ZXDC: variants seen among roughly 807,000 people sequenced by gnomAD.
ZXDC encodes ZXD family zinc finger C, also known as zinc finger protein ZXDC.
A neutral mutation model predicts 63.6 loss-of-function variants in ZXDC; 58 were observed. The observed-to-expected ratio is 0.91, with a 90% CI of 0.74 to 1.13. The LOEUF is 1.13. Among genes scored for constraint, ZXDC ranks in the 50% most tolerant of loss-of-function variants. ZXDC has a pLI of 0.00. For missense variants in ZXDC, 1,133 were observed against 1,148.9 expected, an observed-to-expected ratio of 0.99 and a Z score of 0.20; for synonymous variants, 561 against 496.1, an observed-to-expected ratio of 1.13 and a Z score of -1.74.
At chr3:126,470,520 A>G (rs1208221611) in intron 4 of ZXDC, among the ~76,000 whole-genome samples, 1 of 152,220 alleles carries the variant, frequency 6.6e-6, no homozygotes, top group African/African-American at 2.4e-5. Context: ...CCAATTACAA[A>G]ATGATTGGAG....
In ZXDC at chr3:126,472,252, G is replaced by A. The variant is rs1935009945; in HGVS notation, c.961C>T (p.His321Tyr). ...GAAAAGAGCTCTTGTTCCCTGAAGT[G>A]GGCTCGGTTATGGGAAAACAGGGCA... ...VSALFSHNRA[H>Y]FREQELFSCS... The change falls in exon 2 of 10, where the codon CAC (histidine) becomes TAC (tyrosine). Residue 321 changes from histidine (H) to tyrosine (Y), a missense_variant. His to Tyr is a moderately conservative substitution (Grantham distance 83). Transcript: ENST00000389709. 6.2e-7 allele frequency: 1 copy of A among 1,612,802 alleles called. No individual in the cohort carries two copies. Among genetic ancestry groups the A allele is most frequent in the Non-Finnish European group, 8.5e-7 (1 of 1,178,958 alleles).
intron 5 of ZXDC, among the ~76,000 whole-genome samples, chr3:126,465,675 G>T (rs986786692): frequency 1.3e-5 from 2 of 152,020 alleles, no homozygotes; most frequent in African/African-American, 4.8e-5. Flanking sequence ...GAGGGGCAGG[G>T]CATGGTGGCT....
intron 7 of ZXDC, chr3:126,457,519 C>T (rs1211257964): frequency 2.2e-5 from 22 of 985,290 alleles, no homozygotes; most frequent in South Asian, 1.4e-4. Flanking sequence ...CACTCACACA[C>T]GGAGACCTAG....
chr3:126,472,651 C>T (rs1336332978), intron 1 of ZXDC, among the ~76,000 whole-genome samples: 1 of 152,196 alleles, frequency 6.6e-6, no homozygotes, highest in Non-Finnish European at 1.5e-5. Context: ...TGAGAGAAAT[C>T]AAATACTAAG....
chr3:126,472,367 G>A (rs1935014148), intron 1 of ZXDC, 62 bp from the exon 2 acceptor site: 1 of 1,575,676 alleles, frequency 6.3e-7, no homozygotes. Flanking sequence ...CATAGCTAAT[G>A]CTAGTCACAC....
Position 126,437,708 on chromosome 3 carries a change from T to A in ZXDC, c.*667A>T, listed in dbSNP as rs1933509328. The A allele has an allele frequency of 6.6e-6, 1 of 152,040 alleles. No individual in the cohort carries two copies. The highest frequency in any genetic ancestry group is 2.4e-5 in the African/African-American group (1 of 41,346). 9.4% of individuals were successfully genotyped at this position (152,040 alleles called of 1,614,324 possible). A position where few individuals can be genotyped will look rare whatever the true frequency, so the allele number is the denominator to read the frequency against. ...AAATACAGAATTTAGAAAATTATTT[T>A]AAATTTTAACTCTACCATCCCCCCG... On this transcript the variant is annotated 3_prime_UTR_variant, in exon 10 of 10. Coordinates refer to ENST00000389709, the MANE Select transcript of ZXDC (RefSeq NM_025112.5).
intron 7 of ZXDC, among the ~76,000 whole-genome samples, chr3:126,458,283 C>A (rs957120947): frequency 1.4e-5 from 2 of 144,426 alleles, no homozygotes; most frequent in Admixed American, 1.4e-4. Flanking sequence ...GTCACCCAGG[C>A]TGGAGCACAG....
chr3:126,456,396 G>C (rs559648208), intron 7 of ZXDC, among the ~76,000 whole-genome samples: 11 of 152,366 alleles, frequency 7.2e-5, no homozygotes, highest in African/African-American at 2.6e-4. Context: ...AGCCTCTGGA[G>C]GGCTGGAGAC....
At chr3:126,474,353 C>T (rs964557501) in intron 1 of ZXDC, among the ~76,000 whole-genome samples, 3 of 152,186 alleles carry the variant, frequency 2.0e-5, no homozygotes, top group African/African-American at 4.8e-5. Context: ...CGTGAGCCAC[C>T]GCGCCCAGCC....
intron 4 of ZXDC, among the ~76,000 whole-genome samples, chr3:126,467,463 C>T (rs1261904477): frequency 1.3e-5 from 2 of 152,186 alleles, no homozygotes; most frequent in South Asian, 2.1e-4. Flanking sequence ...CGAGCAACGA[C>T]GCACTCGCGG....
At chr3:126,474,470 T>C (rs1935103384) in intron 1 of ZXDC, among the ~76,000 whole-genome samples, 1 of 152,152 alleles carries the variant, frequency 6.6e-6, no homozygotes, top group South Asian at 2.1e-4. Context: ...TTCACAAAAC[T>C]GTGAGGTTCA....
At chr3:126,444,662 T>C (rs986528097) in intron 7 of ZXDC, among the ~76,000 whole-genome samples, 5 of 152,254 alleles carry the variant, frequency 3.3e-5, no homozygotes, top group Non-Finnish European at 7.3e-5. Context: ...GTATTTATTA[T>C]CAAGTTTTAT....
chr3:126,454,291 T>C (rs576168094), intron 7 of ZXDC: 122 of 984,644 alleles, frequency 1.2e-4, no homozygotes, highest in South Asian at 8.9e-4. Flanking sequence ...GAGATTTCTA[T>C]TGGCTTTTAC....
rs1229120545 is a variant in ZXDC, at chr3:126,437,874, G to T, written c.*501C>A. Reference sequence around the variant, plus strand: ...TTGGGCTAGAATTTGGCTTCACGGTGGCAATGGGACCACCTGGGCCCTACA... The same window carrying T: ...TTGGGCTAGAATTTGGCTTCACGGTTGCAATGGGACCACCTGGGCCCTACA... On this transcript the variant is annotated 3_prime_UTR_variant, in exon 10 of 10. Coordinates refer to ENST00000389709, the MANE Select transcript of ZXDC (RefSeq NM_025112.5). 1 of 157,406 alleles carries T rather than the reference G, an allele frequency of 6.4e-6. No homozygotes were observed. The highest frequency in any genetic ancestry group is 1.9e-4 in the South Asian group (1 of 5,372). 9.8% of individuals were successfully genotyped at this position (157,406 alleles called of 1,614,324 possible).
chr3:126,447,979 A>G (rs1176211390), intron 7 of ZXDC, among the ~76,000 whole-genome samples: 2 of 152,148 alleles, frequency 1.3e-5, no homozygotes, highest in Non-Finnish European at 2.9e-5. Context: ...CTTGGGTTCA[A>G]TCCTGCCGCT....
At position 126,453,960 on chromosome 3, in the gene ZXDC, T is replaced by C. The variant is rs892346831; in HGVS notation, c.2212+5693A>G. ...ATATTATGATCAGAAAACATAGTACTGCCTATACATGTATATATATATGTG... is the reference window on the plus strand; with the variant it reads ...ATATTATGATCAGAAAACATAGTACCGCCTATACATGTATATATATATGTG... On this transcript the variant is annotated intron_variant, in intron 7 of 9. Transcript: ENST00000389709. 6.2e-6 allele frequency: 6 copies of C among 975,444 alleles called. No homozygotes were observed. The African/African-American group carries it at 1.1e-4, about 17-fold the overall frequency. 60.4% of individuals were successfully genotyped at this position (975,444 alleles called of 1,614,324 possible).
intron 7 of ZXDC, chr3:126,451,227 ACAC>A (rs1471781176): frequency 6.1e-6 from 6 of 985,308 alleles, no homozygotes; most frequent in Admixed American, 6.1e-5. Context: ...ACTCAGGAAA[ACAC>A]CACTTCATGC....
At position 126,460,451 on chromosome 3, in the gene ZXDC, T is replaced by C. The variant is rs905057883; in HGVS notation, c.2128-714A>G. On this transcript the variant is annotated intron_variant, in intron 6 of 9. Coordinates refer to ENST00000389709, the MANE Select transcript of ZXDC (RefSeq NM_025112.5). ...CAACGTCACACAGCTAGCAAGAAAA[T>C]GAACACGGGGTTAAGACCAAGGTCT... 4.1e-6 allele frequency: 4 copies of C among 984,760 alleles called. No homozygotes were observed. In the African/African-American group the frequency reaches 5.2e-5, roughly 13 times the overall value. 61.0% of individuals were successfully genotyped at this position (984,760 alleles called of 1,614,324 possible).
chr3:126,449,124 C>T (rs1371164162), intron 7 of ZXDC, among the ~76,000 whole-genome samples: 3 of 152,122 alleles, frequency 2.0e-5, no homozygotes, highest in Non-Finnish European at 4.4e-5. Flanking sequence ...CACATACACA[C>T]AAAGCCCTGC....
Sources: gnomAD v4.1 joint callset for allele counts (sites outside exome capture counted in the v4.1 genomes callset) on GRCh38, gnomAD v4.1.1 for gene constraint, MANE v1.5 for transcripts, NCBI Gene and HGNC (gene_info 2026-07-23, HGNC 2026-07-21) for gene names.